Variants in SLC1A1 observed in about 807,000 individuals in gnomAD.
SLC1A1 encodes the protein excitatory amino acid transporter 3.
A neutral mutation model predicts 53.3 loss-of-function variants in SLC1A1; 43 were observed. The ratio of observed to expected loss-of-function variants is 0.81; its 90% confidence interval spans 0.63 to 1.04. The LOEUF (loss-of-function observed/expected upper bound fraction) is 1.04. SLC1A1 is among the 50% of genes least tolerant of loss of function. The pLI, the probability that SLC1A1 is intolerant of heterozygous loss-of-function variation, is 0.00. For synonymous variants in SLC1A1, 307 were observed against 243.2 expected, an observed-to-expected ratio of 1.26 and a Z score of -2.44; for missense variants, 748 against 664.9, an observed-to-expected ratio of 1.12 and a Z score of -1.37.
chr9:4,567,646 C>T lies in SLC1A1; in HGVS notation c.484-23C>T, dbSNP rs777051722. On this transcript the variant is annotated intron_variant, in intron 5 of 11. Transcript: ENST00000262352. Reference sequence around the variant, plus strand: ...AAAAATTCTTTTTTTGTTTGCTTGTCCTTGATTTTCTCCAACATGCAGTAC... The same window carrying T: ...AAAAATTCTTTTTTTGTTTGCTTGTTCTTGATTTTCTCCAACATGCAGTAC... 3.7e-5 allele frequency: 56 copies of T among 1,516,848 alleles called. No homozygotes were observed. The South Asian group carries it at 4.4e-4, about 12-fold the overall frequency. The allele number at this position is 1,516,848 out of a possible 1,614,324, so 94.0% of individuals were successfully genotyped here. A position where few individuals can be genotyped will look rare whatever the true frequency, so the allele number is the denominator to read the frequency against.
At chr9:4,505,507 A>C (rs192159927) in intron 1 of SLC1A1, among the ~76,000 whole-genome samples, 13 of 152,334 alleles carry the variant, frequency 8.5e-5, no homozygotes, top group Admixed American at 5.9e-4. Flanking sequence ...TAATATCTAC[A>C]AATAAATAAT....
intron 1 of SLC1A1, among the ~76,000 whole-genome samples, chr9:4,523,530 A>G (rs1295140602): frequency 6.6e-6 from 1 of 152,244 alleles, no homozygotes; most frequent in African/African-American, 2.4e-5. Flanking sequence ...TAAATGTCAT[A>G]GACTGAGGAA....
At chr9:4,523,756 T>C (rs1310080829) in intron 1 of SLC1A1, among the ~76,000 whole-genome samples, 1 of 152,262 alleles carries the variant, frequency 6.6e-6, no homozygotes, top group African/African-American at 2.4e-5. Context: ...GTACTTTTTA[T>C]TCTAAGTACT....
At chr9:4,572,513 C>G (rs1481135189) in intron 7 of SLC1A1, 125 bp downstream of exon 7, 2 of 876,786 alleles carry the variant, frequency 2.3e-6, no homozygotes, top group Admixed American at 1.8e-5. Context: ...TAATATTGAA[C>G]CACCAGAGTA....
At chr9:4,548,682 G>T (rs1456667308) in intron 2 of SLC1A1, among the ~76,000 whole-genome samples, 1 of 152,116 alleles carries the variant, frequency 6.6e-6, no homozygotes, top group East Asian at 1.9e-4. Flanking sequence ...ATTTGTTAAT[G>T]ATTTTGTTAG....
Position 4,576,606 on chromosome 9 carries a change from GA to G in SLC1A1, c.1040del (p.Asn347IlefsTer38). The G allele has an allele frequency of 1.2e-6, 2 of 1,614,202 alleles. No homozygotes were observed. Among genetic ancestry groups the G allele is most frequent in the Non-Finnish European group, 1.7e-6 (2 of 1,180,040 alleles). On this transcript the variant is annotated frameshift_variant, in exon 10 of 12. Transcript: ENST00000262352. LOFTEE classifies it high-confidence loss of function. Reference protein sequence around the residue: ...TLPVTFRCAEENNQVDKRITR... With the variant: ...TLPVTFRCAEXNNQVDKRITR... ...GCCTGTCACCTTCCGCTGTGCTGAA[GA>G]AAATAACCAGGTGGACAAGAGGATC...
chr9:4,531,001 G>A (rs1802646747), intron 1 of SLC1A1, among the ~76,000 whole-genome samples: 1 of 152,208 alleles, frequency 6.6e-6, no homozygotes, highest in Admixed American at 6.5e-5. Flanking sequence ...ATAGTTGGCT[G>A]ATGGTCCACA....
At chr9:4,506,607 A>G (rs1239606040) in intron 1 of SLC1A1, among the ~76,000 whole-genome samples, 1 of 151,962 alleles carries the variant, frequency 6.6e-6, no homozygotes, top group African/African-American at 2.4e-5. Context: ...CTTTTGCTTA[A>G]GTGGAAATAC....
intron 1 of SLC1A1, among the ~76,000 whole-genome samples, chr9:4,493,819 A>T (rs1820320380): frequency 6.6e-6 from 1 of 152,260 alleles, no homozygotes; most frequent in Admixed American, 6.5e-5. Flanking sequence ...ATATTTGATT[A>T]TAGAAATAAG....
intron 3 of SLC1A1, among the ~76,000 whole-genome samples, chr9:4,562,665 G>A (rs1819067623): frequency 6.6e-6 from 1 of 152,052 alleles, no homozygotes; most frequent in Non-Finnish European, 1.5e-5. Flanking sequence ...AGAATATGTG[G>A]TGTTTGGTTT....
At chr9:4,577,881 G>C (rs1208257983) in intron 10 of SLC1A1, among the ~76,000 whole-genome samples, 1 of 152,160 alleles carries the variant, frequency 6.6e-6, no homozygotes, top group African/African-American at 2.4e-5. Context: ...GTCCAGGCAG[G>C]GTATTAGAAG....
intron 1 of SLC1A1, among the ~76,000 whole-genome samples, chr9:4,511,566 TACACACACACACACACACAC>T (rs113277990): frequency 6.8e-6 from 1 of 146,238 alleles, no homozygotes; most frequent in African/African-American, 2.5e-5. Context: ...TTAAGAATTC[TACACACACACACACACACAC>T]ACACACACAC....
chr9:4,508,882 C>T (rs935566660), intron 1 of SLC1A1, among the ~76,000 whole-genome samples: 3 of 152,120 alleles, frequency 2.0e-5, no homozygotes, highest in East Asian at 1.9e-4. Flanking sequence ...GATGCCGGGG[C>T]GGTGGGGTAC....
intron 1 of SLC1A1, among the ~76,000 whole-genome samples, chr9:4,492,453 G>A (rs899733924): frequency 4.9e-5 from 7 of 143,718 alleles, no homozygotes; most frequent in South Asian, 2.2e-4. Flanking sequence ...CTGCACTCCC[G>A]CCTGGGTGAC....
intron 1 of SLC1A1, among the ~76,000 whole-genome samples, chr9:4,527,997 G>A (rs1816323964): frequency 6.6e-6 from 1 of 152,114 alleles, no homozygotes; most frequent in Non-Finnish European, 1.5e-5. Context: ...TTCTGTGCAT[G>A]TTATCCTCTG....
chr9:4,582,641 G>A (rs1043189997), intron 10 of SLC1A1, among the ~76,000 whole-genome samples: 1 of 152,192 alleles, frequency 6.6e-6, no homozygotes. Context: ...AGGTGCAGAG[G>A]TACCTGGCAC....
chr9:4,583,853 T>TTCTCTCTCTC lies in SLC1A1; in HGVS notation c.1328+702_1328+711dup, dbSNP rs373604899. Among the ~76,000 whole-genome samples, 28,388 of 136,510 alleles carry TTCTCTCTCTC rather than the reference T, an allele frequency of 0.21. 3,038 individuals carry two copies. The highest frequency in any genetic ancestry group is 0.3 in the Middle Eastern group (80 of 266). The allele number at this position is 136,510 out of a possible 152,430, so 89.6% of individuals were successfully genotyped here. On this transcript the variant is annotated intron_variant, in intron 11 of 11. Transcript: ENST00000262352. The surrounding 1 kb of genome is among the most constrained non-coding windows in gnomAD (Gnocchi z 4.6). ...CCATTCAGGCCCCAATCAACAACAC[T>TTCTCTCTCTC]TCTCTCTCTCTCTCTCTCTCTCTCT...
chr9:4,514,630 C>G (rs1409773894), intron 1 of SLC1A1, among the ~76,000 whole-genome samples: 4 of 151,844 alleles, frequency 2.6e-5, no homozygotes, highest in Non-Finnish European at 5.9e-5. Context: ...AGAACTGACA[C>G]AGTGGGCATG....
intron 1 of SLC1A1, among the ~76,000 whole-genome samples, chr9:4,495,150 G>A (rs1376343396): frequency 6.6e-6 from 1 of 152,192 alleles, no homozygotes; most frequent in Non-Finnish European, 1.5e-5. Flanking sequence ...TTTGAGACGT[G>A]GCATAGGCTT....
Sources: allele counts gnomAD v4.1 joint callset (sites outside exome capture counted in the v4.1 genomes callset), GRCh38; gene constraint gnomAD v4.1.1; non-coding constraint Gnocchi (gnomAD v3.1); transcripts MANE v1.5; gene names NCBI Gene and HGNC (gene_info 2026-07-23, HGNC 2026-07-21).